Variants in ATP10B observed in about 807,000 individuals in gnomAD.
The protein encoded by ATP10B is phospholipid-transporting ATPase VB.
In ATP10B, 122 loss-of-function variants were observed where a neutral mutation model predicts 141.2. That is an observed-to-expected ratio of 0.86 (90% CI 0.75 to 1.00). The LOEUF (loss-of-function observed/expected upper bound fraction) is 1.00. Ranked by LOEUF, ATP10B falls within the 50% of genes least tolerant of loss-of-function variation. The pLI is 0.00. For missense variants in ATP10B, 1,876 were observed against 1,825.3 expected (o/e 1.03, Z -0.51); for synonymous variants, 685 against 692.0 (o/e 0.99, Z 0.16).
In ATP10B at chr5:160,565,798, C is replaced by G. The variant is rs267600524; in HGVS notation, c.4041G>C (p.Gln1347His). ...LPPDKRNLEIQSWRSRQRPAP... is the reference protein window; with the variant it reads ...LPPDKRNLEIHSWRSRQRPAP... Reference sequence around the variant, plus strand: ...CAGGCCTCTGTCTGCTTCTCCAACTCTGGATTTCCAGGTTTCTTTTGTCTG... The same window carrying G: ...CAGGCCTCTGTCTGCTTCTCCAACTGTGGATTTCCAGGTTTCTTTTGTCTG... Residue 1347 changes from glutamine to histidine, a missense_variant, in exon 26 of 26, where the codon CAG becomes CAC. By Grantham distance (24) the Gln-to-His change is conservative (BLOSUM62 0). Transcript: ENST00000327245. The G allele has an allele frequency of 6.2e-7, 1 of 1,614,104 alleles. No individual in the cohort carries two copies. The highest frequency in any genetic ancestry group is 8.5e-7 in the Non-Finnish European group (1 of 1,179,980).
chr5:160,602,545 C>T (rs1396783762), intron 21 of ATP10B, 32 bp downstream of exon 21: 8 of 1,612,526 alleles, frequency 5.0e-6, no homozygotes, highest in Non-Finnish European at 5.9e-6. Context: ...CCTGCCAAAG[C>T]CCTGGGTGAG....
chr5:160,924,899 T>C, the ATP10B span, among the ~76,000 whole-genome samples: 1 of 152,218 alleles, frequency 6.6e-6, no homozygotes, highest in African/African-American at 2.4e-5. Flanking sequence ...AGCAAACTTA[T>C]TACCTCAAGG....
At chr5:160,683,255 G>GAAAAA (rs754348919) in intron 6 of ATP10B, among the ~76,000 whole-genome samples, 15 of 151,250 alleles carry the variant, frequency 9.9e-5, no homozygotes, top group Non-Finnish European at 2.1e-4. Context: ...GATCTAGCTG[G>GAAAAA]AAAAAAAAAT....
intron 24 of ATP10B, among the ~76,000 whole-genome samples, chr5:160,582,192 A>G (rs1755596225): frequency 6.6e-6 from 1 of 152,106 alleles, no homozygotes; most frequent in Non-Finnish European, 1.5e-5. Context: ...TCCTGTCATG[A>G]TGTTAACTGG....
chr5:160,582,922 C>G (rs933735254), intron 24 of ATP10B, among the ~76,000 whole-genome samples: 17 of 152,184 alleles, frequency 1.1e-4, no homozygotes, highest in Non-Finnish European at 7.3e-5. Context: ...TGTTTGTCAG[C>G]TCCATTAGGT....
At chr5:160,775,676 ATTTT>A (rs10642787) in intron 2 of ATP10B, among the ~76,000 whole-genome samples, 56 of 116,810 alleles carry the variant, frequency 4.8e-4, no homozygotes, top group Middle Eastern at 0.01. Context: ...CAAGTTTCAG[ATTTT>A]TTTTTTTTTT....
intron 2 of ATP10B, among the ~76,000 whole-genome samples, chr5:160,780,541 C>A (rs1441641362): frequency 6.6e-6 from 1 of 152,128 alleles, no homozygotes; most frequent in Non-Finnish European, 1.5e-5. Flanking sequence ...ATCACACTAA[C>A]AACTTCACTT....
At chr5:160,795,243 A>G (rs1771855425) in intron 1 of ATP10B, among the ~76,000 whole-genome samples, 1 of 152,190 alleles carries the variant, frequency 6.6e-6, no homozygotes, top group South Asian at 2.1e-4. Context: ...TCAATTGCAA[A>G]ATATCTTTCT....
rs1770267111 is a variant in ATP10B, at chr5:160,775,820, A to G, written c.-331+9739T>C. Among the ~76,000 whole-genome samples, 5 of 151,704 alleles carry G rather than the reference A, an allele frequency of 3.3e-5. No individual in the cohort carries two copies. The South Asian group carries it at 1.0e-3, about 32-fold the overall frequency. On this transcript the variant is annotated intron_variant, in intron 2 of 25. Coordinates refer to ENST00000327245, the MANE Select transcript of ATP10B (RefSeq NM_025153.3). Reference sequence around the variant, plus strand: ...CTCAACCTCCCAAGTAGCTGGGACTACAGGCACCCGCCACCATGCCCGGCT... The same window carrying G: ...CTCAACCTCCCAAGTAGCTGGGACTGCAGGCACCCGCCACCATGCCCGGCT...
the ATP10B span, among the ~76,000 whole-genome samples, chr5:160,908,291 TTTGGA>T: frequency 6.6e-6 from 1 of 152,304 alleles, no homozygotes; most frequent in Non-Finnish European, 1.5e-5. Flanking sequence ...GTTTTCCTGC[TTTGGA>T]TTCAGGCCTA....
intron 2 of ATP10B, among the ~76,000 whole-genome samples, chr5:160,720,954 G>A (rs1002571433): frequency 2.0e-5 from 3 of 152,178 alleles, no homozygotes; most frequent in African/African-American, 7.2e-5. Context: ...AATTCCCTCA[G>A]TGAATAATTG....
At chr5:160,789,563 G>A (rs1257140920) in intron 1 of ATP10B, among the ~76,000 whole-genome samples, 1 of 152,192 alleles carries the variant, frequency 6.6e-6, no homozygotes, top group African/African-American at 2.4e-5. Context: ...GACCACTATT[G>A]TATCTGTGGT....
intron 2 of ATP10B, among the ~76,000 whole-genome samples, chr5:160,773,815 A>C (rs113468509): frequency 4.6e-5 from 7 of 150,968 alleles, no homozygotes; most frequent in African/African-American, 1.7e-4. Context: ...TGCCTGGCAG[A>C]CAGTCTTATT....
chr5:160,574,967 C>G (rs1755101817), intron 24 of ATP10B, among the ~76,000 whole-genome samples: 1 of 152,272 alleles, frequency 6.6e-6, no homozygotes, highest in South Asian at 2.1e-4. Context: ...TACCCAGTCT[C>G]AGGTGTTCTG....
intron 24 of ATP10B, among the ~76,000 whole-genome samples, chr5:160,573,912 C>T (rs758445953): frequency 7.9e-5 from 12 of 152,210 alleles, no homozygotes; most frequent in East Asian, 3.9e-4. Context: ...CTATTAAGAA[C>T]GATGTAACAT....
intron 6 of ATP10B, among the ~76,000 whole-genome samples, chr5:160,674,339 G>A (rs2127730444): frequency 6.6e-6 from 1 of 152,346 alleles, no homozygotes; most frequent in East Asian, 1.9e-4. Context: ...GGTGCTGGAA[G>A]ATGGAGTGCT....
Position 160,569,668 on chromosome 5 carries a change from C to T in ATP10B, c.3766G>A (p.Val1256Ile). 2 of 1,578,312 alleles carry T rather than the reference C, an allele frequency of 1.3e-6. No individual in the cohort carries two copies. The highest frequency in any genetic ancestry group is 1.7e-6 in the Non-Finnish European group (2 of 1,163,282). Residue 1256 changes from valine (V) to isoleucine (I), a missense_variant, in exon 25 of 26, where the codon GTC (valine) becomes ATC (isoleucine). Transcript: ENST00000327245. ...EMKTWTIFHG[V>I]VLLGSFLMYF... ...ATCAGGAAGCTGCCGAGGAGCACGA[C>T]TCCGTGGAAAATGGTCTGTGGAGGG... is the stretch of plus-strand genomic sequence containing the variant.
rs1282245226 is a variant in ATP10B, at chr5:160,598,945, T to C, written c.3389A>G (p.Tyr1130Cys). 3.1e-6 allele frequency: 5 copies of C among 1,614,030 alleles called. No homozygotes were observed. Among genetic ancestry groups the C allele is most frequent in the Non-Finnish European group, 4.2e-6 (5 of 1,179,996 alleles). The change falls in exon 22 of 26, where the codon TAT becomes TGT. Residue 1130 changes from tyrosine (Y) to cysteine (C), a missense_variant. By Grantham distance (194) the Tyr-to-Cys change is radical (BLOSUM62 -2). Transcript: ENST00000327245. ...GCTGGAGAAACCACAGAAGAACTGA[T>C]ACCAGAAGAGCAGGTTGACGTAGCA... Reference protein sequence around the residue: ...NVCYVNLLFWYQFFCGFSSST... With the variant: ...NVCYVNLLFWCQFFCGFSSST...
At chr5:160,848,650 G>T (rs1753587856) in intron 1 of ATP10B, among the ~76,000 whole-genome samples, 1 of 152,154 alleles carries the variant, frequency 6.6e-6, no homozygotes, top group African/African-American at 2.4e-5. Flanking sequence ...CTGAGTTTTA[G>T]CTGGACCCTG....
Sources: gnomAD v4.1 joint callset for allele counts (sites outside exome capture counted in the v4.1 genomes callset) on GRCh38, gnomAD v4.1.1 for gene constraint, MANE v1.5 for transcripts, NCBI Gene and HGNC (gene_info 2026-07-23, HGNC 2026-07-21) for gene names.